B3GALT1: variants seen among roughly 807,000 people sequenced by gnomAD.
B3GALT1 encodes the protein beta-1,3-galactosyltransferase 1, also known as UDP-Gal:betaGlcNAc beta 1,3-galactosyltransferase, polypeptide 1.
B3GALT1 carries 10 observed loss-of-function variants against 23.2 expected under a neutral mutation model. That is an observed-to-expected ratio of 0.43 (90% CI 0.27 to 0.73). The LOEUF is 0.73. Ranked by LOEUF, B3GALT1 falls within the 30% of genes least tolerant of loss-of-function variation. The probability of loss-of-function intolerance (pLI) is 0.21; values close to 1 mark genes in which losing one functional copy is unlikely to be tolerated. For synonymous variants in B3GALT1, 156 were observed against 141.5 expected (o/e 1.10, Z -0.73); for missense variants, 299 against 405.4 (o/e 0.74, Z 2.25).
intron 1 of B3GALT1, among the ~76,000 whole-genome samples, chr2:167,375,039 A>G (rs901369109): frequency 9.2e-5 from 14 of 152,154 alleles, no homozygotes; most frequent in African/African-American, 3.4e-4. Context: ...GTCCAGTTTC[A>G]TTCTACTGCA....
chr2:167,605,495 G>C (rs554756547), intron 2 of B3GALT1, among the ~76,000 whole-genome samples: 1 of 152,082 alleles, frequency 6.6e-6, no homozygotes, highest in Non-Finnish European at 1.5e-5. Context: ...ATGTCAACCC[G>C]AGTGCCTTGT....
intron 1 of B3GALT1, among the ~76,000 whole-genome samples, chr2:167,351,161 C>T (rs565059869): frequency 6.6e-6 from 1 of 151,610 alleles, no homozygotes; most frequent in Non-Finnish European, 1.5e-5. Context: ...CCCAGCTACT[C>T]AGGAGGCTGA....
chr2:167,869,396 C>A lies in B3GALT1; in HGVS notation c.357C>A (p.Gly119=), dbSNP rs1247386842. The A allele has an allele frequency of 1.2e-6, 2 of 1,613,962 alleles. No homozygotes were observed. The highest frequency in any genetic ancestry group is 1.3e-5 in the African/African-American group (1 of 74,890). Residue 119 remains glycine (G), a synonymous_variant, in exon 5 of 5, where the codon GGC becomes GGA. Coordinates refer to ENST00000392690, the MANE Select transcript of B3GALT1 (RefSeq NM_020981.4). This position sits in a 1 kb window ranked among gnomAD's most constrained non-coding sequence, Gnocchi z 6.4. The part of the protein sequence containing the change: ...GIKIATLFLL[G]KNADPVLNQM... ...AGATAGCCACCCTGTTCCTCCTGGG[C>A]AAGAATGCTGATCCTGTTCTCAATC...
intron 2 of B3GALT1, among the ~76,000 whole-genome samples, chr2:167,539,573 G>C (rs1308127962): frequency 6.6e-6 from 1 of 152,076 alleles, no homozygotes; most frequent in African/African-American, 2.4e-5. Context: ...GGATAGTGCT[G>C]ACTATTCTTT....
In B3GALT1 at chr2:167,326,990, G is replaced by A. The variant is rs559796490; in HGVS notation, c.-511+33656G>A. 5.1e-4 allele frequency among the ~76,000 whole-genome samples: 78 copies of A among 152,112 alleles called. 1 individual carries two copies. Among genetic ancestry groups the A allele is most frequent in the Non-Finnish European group, 8.5e-4 (58 of 67,946 alleles). On this transcript the variant is annotated intron_variant, in intron 1 of 4. Coordinates refer to ENST00000392690, the MANE Select transcript of B3GALT1 (RefSeq NM_020981.4). ...CAGGCATGAGCCAGGATGCCTGGCC[G>A]CAGTACCATTTATTGAAGAGGGTGT...
intron 1 of B3GALT1, among the ~76,000 whole-genome samples, chr2:167,325,538 C>A (rs184381839): frequency 3.2e-4 from 49 of 152,040 alleles, no homozygotes; most frequent in African/African-American, 1.2e-3. Flanking sequence ...AGAAACTGCC[C>A]CCCATGATCC....
intron 4 of B3GALT1, among the ~76,000 whole-genome samples, chr2:167,832,793 A>G (rs1036077895): frequency 2.6e-5 from 4 of 152,254 alleles, no homozygotes; most frequent in Admixed American, 2.0e-4. Flanking sequence ...AGTTCTATAC[A>G]GGGGCAAGTG....
intron 1 of B3GALT1, among the ~76,000 whole-genome samples, chr2:167,418,838 C>T (rs759353952): frequency 1.3e-5 from 2 of 152,134 alleles, no homozygotes. Context: ...TGCCCAGCCT[C>T]TTCCGCTTTC....
At chr2:167,685,919 T>C (rs1034395525) in intron 3 of B3GALT1, among the ~76,000 whole-genome samples, 3 of 152,256 alleles carry the variant, frequency 2.0e-5, no homozygotes, top group African/African-American at 7.2e-5. Flanking sequence ...TATTTTACTT[T>C]ACCTGCTTTA....
intron 1 of B3GALT1, among the ~76,000 whole-genome samples, chr2:167,383,885 A>G (rs1031869238): frequency 2.0e-5 from 3 of 152,192 alleles, no homozygotes; most frequent in Admixed American, 2.0e-4. Context: ...AAGTTTTATG[A>G]TTAACGTTTT....
intron 3 of B3GALT1, among the ~76,000 whole-genome samples, chr2:167,665,799 C>T (rs1429813286): frequency 1.3e-5 from 2 of 152,076 alleles, no homozygotes; most frequent in African/African-American, 4.8e-5. Flanking sequence ...TCCGTGGGAT[C>T]GGTGGTGATA....
chr2:167,437,025 G>C (rs1450044575), intron 1 of B3GALT1, among the ~76,000 whole-genome samples: 1 of 152,148 alleles, frequency 6.6e-6, no homozygotes, highest in East Asian at 1.9e-4. Context: ...CACTCTCTAT[G>C]CCCCTTTCTG....
chr2:167,535,002 A>C (rs1683392453), intron 2 of B3GALT1, among the ~76,000 whole-genome samples: 1 of 152,182 alleles, frequency 6.6e-6, no homozygotes, highest in Non-Finnish European at 1.5e-5. Flanking sequence ...AGGTTTACAA[A>C]GCTAGCAGGT....
Position 167,304,097 on chromosome 2 carries a change from C to T in B3GALT1, c.-511+10763C>T, listed in dbSNP as rs576079752. Among the ~76,000 whole-genome samples the T allele has an allele frequency of 8.0e-4, 122 of 152,276 alleles. 1 individual carries two copies. Among genetic ancestry groups the T allele is most frequent in the South Asian group, 7.0e-3 (34 of 4,828 alleles). On this transcript the variant is annotated intron_variant, in intron 1 of 4. Transcript: ENST00000392690. ...TACCCTTACTTTACTAGTAGATACT[C>T]TGAAAGGCTGGAAGTTGAACTTGTA...
chr2:167,715,048 C>G, intron 3 of B3GALT1: 7 of 1,611,762 alleles, frequency 4.3e-6, no homozygotes, highest in Non-Finnish European at 5.9e-6. Flanking sequence ...CTTCAGATAA[C>G]TGAATAATAA....
At chr2:167,825,387 A>ATGTT (rs1354043181) in intron 4 of B3GALT1, among the ~76,000 whole-genome samples, 2 of 150,220 alleles carry the variant, frequency 1.3e-5, no homozygotes, top group African/African-American at 4.9e-5. Context: ...AAAGGAGACA[A>ATGTT]TGTTAGTCAG....
intron 3 of B3GALT1, among the ~76,000 whole-genome samples, chr2:167,786,842 C>G (rs1037797172): frequency 6.6e-6 from 1 of 152,194 alleles, no homozygotes; most frequent in African/African-American, 2.4e-5. Context: ...ACGAGCTTGG[C>G]ACACTCCATG....
intron 2 of B3GALT1, among the ~76,000 whole-genome samples, chr2:167,587,159 T>A (rs543905807): frequency 1.3e-5 from 2 of 152,350 alleles, no homozygotes; most frequent in Admixed American, 6.5e-5. Flanking sequence ...TGATCCTAAC[T>A]ATATACTGTG....
At chr2:167,690,805 T>C (rs1686700168) in intron 3 of B3GALT1, among the ~76,000 whole-genome samples, 1 of 152,150 alleles carries the variant, frequency 6.6e-6, no homozygotes, top group Non-Finnish European at 1.5e-5. Flanking sequence ...GTAAGAATTA[T>C]TTGTTCAATA....
Sources: gnomAD v4.1 joint callset for allele counts (sites outside exome capture counted in the v4.1 genomes callset) on GRCh38, gnomAD v4.1.1 for gene constraint, Gnocchi (gnomAD v3.1) non-coding constraint, MANE v1.5 for transcripts, NCBI Gene and HGNC (gene_info 2026-07-23, HGNC 2026-07-21) for gene names.